Variants in CLCA2 observed in about 807,000 individuals in gnomAD.
CLCA2 encodes calcium-activated chloride channel regulator 2.
A neutral mutation model predicts 82.9 loss-of-function variants in CLCA2; 85 were observed. That is an observed-to-expected ratio of 1.03 (90% CI 0.86 to 1.23). CLCA2 has a LOEUF of 1.23. Among genes scored for constraint, CLCA2 ranks in the 50% most tolerant of loss-of-function variants. CLCA2 has a pLI of 0.00. For synonymous variants in CLCA2, 421 were observed against 391.7 expected (o/e 1.07, Z -0.88); for missense variants, 1,089 against 1,124.8 (o/e 0.97, Z 0.45).
chr1:86,448,303 C>G (rs557440195), intron 11 of CLCA2: 1 of 155,570 alleles, frequency 6.4e-6, no homozygotes, highest in African/African-American at 2.4e-5. Flanking sequence ...AGAGAGGGCA[C>G]AGCTCAGTTC....
chr1:86,428,592 A>G, intron 3 of CLCA2, 24 bp downstream of exon 3: 3 of 1,608,490 alleles, frequency 1.9e-6, no homozygotes, highest in Non-Finnish European at 2.5e-6. Flanking sequence ...ATAAAACAAT[A>G]GCCATTGGAC....
rs72951856 is a variant in CLCA2, at chr1:86,441,356, G to A, written c.1382-81G>A. 4,011 of 827,206 alleles carry A rather than the reference G, an allele frequency of 4.8e-3. 127 individuals are homozygous for A. The African/African-American group carries it at 0.062, about 13-fold the overall frequency. 51.2% of individuals were successfully genotyped at this position (827,206 alleles called of 1,614,324 possible). A position where few individuals can be genotyped will look rare whatever the true frequency, so the allele number is the denominator to read the frequency against. On this transcript the variant is annotated intron_variant, in intron 8 of 13. Transcript: ENST00000370565. ...AAACAAACACTCTAATGCAAAGAAA[G>A]CTTGTTGGAAAAGGCTTAACATTTT... is the stretch of plus-strand genomic sequence containing the variant.
intron 2 of CLCA2, among the ~76,000 whole-genome samples, chr1:86,427,473 AAAT>A (rs1662410929): frequency 6.6e-6 from 1 of 152,070 alleles, no homozygotes; most frequent in Non-Finnish European, 1.5e-5. Context: ...GAAACATGGA[AAAT>A]AAAAATGAAA....
chr1:86,448,047 C>G (rs1000411676), intron 11 of CLCA2: 2 of 467,570 alleles, frequency 4.3e-6, no homozygotes, highest in Non-Finnish European at 7.7e-6. Context: ...CTGGCTTCCA[C>G]TTGCTGAGGT....
At chr1:86,446,239 T>G (rs1271766533) in intron 10 of CLCA2, among the ~76,000 whole-genome samples, 1 of 133,382 alleles carries the variant, frequency 7.5e-6, no homozygotes, top group African/African-American at 3.0e-5. Flanking sequence ...TTTTTTTTTT[T>G]GATGGAGTCT....
In CLCA2 at chr1:86,432,554, C is replaced by T. The variant is rs369409166; in HGVS notation, c.744+26C>T. On this transcript the variant is annotated intron_variant, in intron 5 of 13. Transcript: ENST00000370565. ...GTAAGTATGCCCTTGGAATGACACA[C>T]TCTTGCAGGATTCCTTCTCTTCCCA... 8.1e-6 allele frequency: 13 copies of T among 1,601,476 alleles called. No individual in the cohort carries two copies. In the South Asian group the frequency reaches 1.5e-4, roughly 18 times the overall value.
chr1:86,425,938 C>A (rs574851322), intron 2 of CLCA2, among the ~76,000 whole-genome samples: 1 of 152,108 alleles, frequency 6.6e-6, no homozygotes, highest in South Asian at 2.1e-4. Flanking sequence ...ATCAGAATTT[C>A]ACATTAGCTC....
chr1:86,431,184 A>T (rs1356466903), intron 4 of CLCA2, among the ~76,000 whole-genome samples: 1 of 152,230 alleles, frequency 6.6e-6, no homozygotes, highest in Non-Finnish European at 1.5e-5. Context: ...TCAAAACAAT[A>T]TAAAAAGTCA....
At chr1:86,440,826 A>G (rs938292115) in intron 8 of CLCA2, among the ~76,000 whole-genome samples, 4 of 152,116 alleles carry the variant, frequency 2.6e-5, no homozygotes, top group Non-Finnish European at 5.9e-5. Context: ...ACTAGAACTC[A>G]GGAGGCAGAG....
rs1299386874 is a variant in CLCA2, at chr1:86,432,471, C to A, written c.687C>A (p.Ile229=). The A allele has an allele frequency of 1.2e-6, 2 of 1,613,914 alleles. No homozygotes were observed. Among genetic ancestry groups the A allele is most frequent in the African/African-American group, 2.7e-5 (2 of 74,886 alleles). Residue 229 remains isoleucine (I), a synonymous_variant, in exon 5 of 14, where the codon ATC becomes ATA. Coordinates refer to ENST00000370565, the MANE Select transcript of CLCA2 (RefSeq NM_006536.7). ...TTTTTAAAGAAGGATGCACCTTTAT[C>A]TACAATAGCACCCAAAATGCAACTG... ...SKLFKEGCTF[I]YNSTQNATAS... is the part of the protein sequence containing the mutation.
chr1:86,430,836 A>C, intron 3 of CLCA2, 26 bp from the exon 4 acceptor site: 1 of 1,591,650 alleles, frequency 6.3e-7, no homozygotes, highest in Non-Finnish European at 8.6e-7. Flanking sequence ...TTAGAAGCTC[A>C]AAAGCAAAAG....
chr1:86,433,241 C>T (rs941535080), intron 5 of CLCA2, among the ~76,000 whole-genome samples: 6 of 152,162 alleles, frequency 3.9e-5, no homozygotes, highest in African/African-American at 1.4e-4. Flanking sequence ...TTAGTAGCAT[C>T]AGCCTTCATG....
intron 5 of CLCA2, among the ~76,000 whole-genome samples, chr1:86,432,931 A>C (rs1454833252): frequency 6.6e-6 from 1 of 152,194 alleles, no homozygotes; most frequent in African/African-American, 2.4e-5. Context: ...CTTTGTTTTG[A>C]ATAGTCTAGA....
chr1:86,436,775 A>G (rs11161823), intron 6 of CLCA2, among the ~76,000 whole-genome samples: 13,944 of 152,002 alleles, frequency 0.092, 717 homozygotes, highest in Middle Eastern at 0.16. Context: ...GTACAATGGC[A>G]CGATCTCAGC....
Position 86,440,148 on chromosome 1 carries a change from G to A in CLCA2, c.1204G>A (p.Val402Met). Residue 402 changes from valine (V) to methionine (M), a missense_variant and splice_region_variant, in exon 8 of 14, where the codon GTG becomes ATG. Coordinates refer to ENST00000370565, the MANE Select transcript of CLCA2 (RefSeq NM_006536.7). ...ICSGLKKGFE[V>M]VEKLNGKAYG... is the part of the protein sequence containing the mutation. ...CAAGTGACTAATTCTCTATGTTCAGGTGGTTGAAAAACTGAATGGAAAAGC... is the reference window on the plus strand; with the variant it reads ...CAAGTGACTAATTCTCTATGTTCAGATGGTTGAAAAACTGAATGGAAAAGC... The A allele has an allele frequency of 6.2e-7, 1 of 1,613,512 alleles. No homozygotes were observed. The highest frequency in any genetic ancestry group is 8.5e-7 in the Non-Finnish European group (1 of 1,179,730).
chr1:86,440,895 C>A (rs1662717072), intron 8 of CLCA2, among the ~76,000 whole-genome samples: 1 of 151,940 alleles, frequency 6.6e-6, no homozygotes, highest in South Asian at 2.1e-4. Context: ...AACGAGACCC[C>A]ATCTCAAAAA....
At chr1:86,430,671 G>A (rs4292929) in intron 3 of CLCA2, among the ~76,000 whole-genome samples, 191 bp from the exon 4 acceptor site, 129,914 of 152,076 alleles carry the variant, frequency 0.85, 55,645 homozygotes, top group Middle Eastern at 0.87. Context: ...CTTTTTTATG[G>A]TGGTAGGTGG....
intron 10 of CLCA2, among the ~76,000 whole-genome samples, chr1:86,444,689 G>T (rs906388523): frequency 3.9e-5 from 6 of 152,136 alleles, no homozygotes; most frequent in African/African-American, 1.4e-4. Flanking sequence ...GGAGAGGGGA[G>T]TAGTGAGGCT....
intron 6 of CLCA2, 33 bp from the exon 7 acceptor site, chr1:86,438,843 T>G (rs1156295397): frequency 6.3e-7 from 1 of 1,586,558 alleles, no homozygotes; most frequent in African/African-American, 1.3e-5. Context: ...TAACCAAATG[T>G]TGCCATTTTC....
Sources: gnomAD v4.1 joint callset for allele counts (sites outside exome capture counted in the v4.1 genomes callset) on GRCh38, gnomAD v4.1.1 for gene constraint, MANE v1.5 for transcripts, NCBI Gene and HGNC (gene_info 2026-07-23, HGNC 2026-07-21) for gene names.